KIF6: variants seen among roughly 807,000 people sequenced by gnomAD.
KIF6 encodes kinesin-like protein KIF6.
Under a neutral mutation model 112.7 loss-of-function variants are expected in KIF6, and 106 were observed. The observed-to-expected ratio is 0.94, with a 90% confidence interval of 0.80 to 1.11. KIF6 has a LOEUF of 1.11. KIF6 is among the 50% of genes least tolerant of loss of function. The probability of loss-of-function intolerance (pLI) is 0.00; values close to 1 mark genes in which losing one functional copy is unlikely to be tolerated. For missense variants in KIF6, 929 were observed against 964.0 expected (o/e 0.96, Z 0.48); for synonymous variants, 339 against 339.9 (o/e 1.00, Z 0.03).
At chr6:39,557,833 T>C (rs1561808258) in intron 10 of KIF6, among the ~76,000 whole-genome samples, 1 of 151,554 alleles carries the variant, frequency 6.6e-6, no homozygotes, top group African/African-American at 2.4e-5. Context: ...AAAGGATGAG[T>C]CCATTTTTAT....
chr6:39,365,740 C>G (rs535252994), intron 16 of KIF6, among the ~76,000 whole-genome samples: 4 of 152,214 alleles, frequency 2.6e-5, no homozygotes, highest in Non-Finnish European at 4.4e-5. Context: ...CAAGGACACC[C>G]CCAAGAAATT....
intron 13 of KIF6, among the ~76,000 whole-genome samples, chr6:39,536,869 G>T (rs1296641511): frequency 6.6e-6 from 1 of 152,182 alleles, no homozygotes. Context: ...TATCCACCAT[G>T]ATCGAGTGGG....
At chr6:39,599,198 TTAG>T (rs201662512) in intron 6 of KIF6, among the ~76,000 whole-genome samples, 3,293 of 152,284 alleles carry the variant, frequency 0.022, 59 homozygotes, top group Non-Finnish European at 0.032. Flanking sequence ...AAGTGACAAG[TTAG>T]TAGTATCATC....
chr6:39,402,477 C>G (rs762886920), intron 15 of KIF6, among the ~76,000 whole-genome samples: 3 of 152,118 alleles, frequency 2.0e-5, no homozygotes, highest in Non-Finnish European at 4.4e-5. Flanking sequence ...AAAAAATAAC[C>G]AAACGGTCTT....
chr6:39,490,908 T>C (rs1775446716), intron 13 of KIF6, among the ~76,000 whole-genome samples: 1 of 152,196 alleles, frequency 6.6e-6, no homozygotes, highest in African/African-American at 2.4e-5. Context: ...TACATAAATG[T>C]AGAGCTGTGT....
At chr6:39,364,678 C>T (rs776470911) in intron 16 of KIF6, among the ~76,000 whole-genome samples, 1 of 151,738 alleles carries the variant, frequency 6.6e-6, no homozygotes, top group East Asian at 1.9e-4. Flanking sequence ...CTACTAGGCA[C>T]TGGGCTAGGT....
At chr6:39,611,312 A>C (rs2150716412) in intron 6 of KIF6, among the ~76,000 whole-genome samples, 1 of 152,344 alleles carries the variant, frequency 6.6e-6, no homozygotes, top group South Asian at 2.1e-4. Context: ...GTCTCAAAAA[A>C]TAAAAAATTA....
At chr6:39,496,052 C>T (rs1175347801) in intron 13 of KIF6, among the ~76,000 whole-genome samples, 1 of 152,196 alleles carries the variant, frequency 6.6e-6, no homozygotes, top group Non-Finnish European at 1.5e-5. Context: ...CCAATCATTT[C>T]TTCAATTCTA....
intron 13 of KIF6, among the ~76,000 whole-genome samples, chr6:39,533,763 T>G (rs1778226788): frequency 1.3e-5 from 2 of 152,324 alleles, no homozygotes; most frequent in Non-Finnish European, 2.9e-5. Flanking sequence ...CCTCCTCAAG[T>G]GGGTCCCTGA....
At chr6:39,645,617 C>A (rs933715086) in intron 3 of KIF6, among the ~76,000 whole-genome samples, 3 of 152,036 alleles carry the variant, frequency 2.0e-5, no homozygotes, top group Non-Finnish European at 4.4e-5. Context: ...CTAAAATTCT[C>A]TTTTTTTGTT....
intron 13 of KIF6, among the ~76,000 whole-genome samples, chr6:39,494,486 T>C (rs1034057646): frequency 5.3e-5 from 8 of 152,222 alleles, no homozygotes; most frequent in African/African-American, 1.7e-4. Flanking sequence ...AAGAGGTAGA[T>C]ACTTCCAATA....
chr6:39,582,104 C>A (rs1057511433), intron 9 of KIF6, among the ~76,000 whole-genome samples: 2 of 152,028 alleles, frequency 1.3e-5, no homozygotes, highest in Admixed American at 1.3e-4. Context: ...ACATTGGCAC[C>A]CTTCTCTATT....
intron 3 of KIF6, among the ~76,000 whole-genome samples, chr6:39,698,864 AT>A: frequency 6.6e-6 from 1 of 152,224 alleles, no homozygotes; most frequent in South Asian, 2.1e-4. Context: ...TATAATGGGA[AT>A]TTTCATTAAT....
intron 14 of KIF6, among the ~76,000 whole-genome samples, chr6:39,424,995 T>TG (rs1770657771): frequency 6.6e-6 from 1 of 152,114 alleles, no homozygotes; most frequent in Non-Finnish European, 1.5e-5. Context: ...CATCCTGCTG[T>TG]GGGGTGTGTC....
At chr6:39,710,829 A>C (rs947883738) in intron 3 of KIF6, among the ~76,000 whole-genome samples, 6 of 152,090 alleles carry the variant, frequency 3.9e-5, no homozygotes, top group Admixed American at 1.3e-4. Flanking sequence ...TGAGCCCAGG[A>C]GTTTGAGACC....
At chr6:39,529,918 C>T (rs1410265799) in intron 13 of KIF6, among the ~76,000 whole-genome samples, 1 of 152,266 alleles carries the variant, frequency 6.6e-6, no homozygotes, top group Non-Finnish European at 1.5e-5. Context: ...TGAGATTTAA[C>T]TTTCATGTCA....
intron 13 of KIF6, among the ~76,000 whole-genome samples, chr6:39,531,575 G>T (rs1297014959): frequency 6.6e-6 from 1 of 152,066 alleles, no homozygotes; most frequent in Non-Finnish European, 1.5e-5. Flanking sequence ...CATGAGTACC[G>T]ATTTTATTTC....
At chr6:39,337,162 T>TCCTTC (rs1763003392) in intron 22 of KIF6, among the ~76,000 whole-genome samples, 1 of 70,128 alleles carries the variant, frequency 1.4e-5, no homozygotes, top group Non-Finnish European at 2.4e-5. Flanking sequence ...TTCTTTTCTT[T>TCCTTC]CTTTCCTTCC....
intron 13 of KIF6, among the ~76,000 whole-genome samples, chr6:39,451,576 C>G (rs11753576): frequency 0.032 from 4,939 of 152,122 alleles, 113 homozygotes; most frequent in Non-Finnish European, 0.041. Context: ...GGTTTTCCTG[C>G]CTGCAGTGGA....
Sources: gnomAD v4.1 joint callset for allele counts (sites outside exome capture counted in the v4.1 genomes callset) on GRCh38, gnomAD v4.1.1 for gene constraint, MANE v1.5 for transcripts, NCBI Gene and HGNC (gene_info 2026-07-23, HGNC 2026-07-21) for gene names.